The following DST variants were observed in gnomAD, a reference collection of about 807,000 sequenced individuals.
DST encodes dystonin.
Under a neutral mutation model 875.2 loss-of-function variants are expected in DST, and 253 were observed. The ratio of observed to expected loss-of-function variants is 0.29; its 90% CI spans 0.26 to 0.32. The LOEUF (loss-of-function observed/expected upper bound fraction) is 0.32, where lower values mean the gene tolerates loss of function less well. Among genes scored for constraint, DST ranks in the 10% least tolerant of loss-of-function variants. The pLI is 1.00. For synonymous variants in DST, 3,124 were observed against 3,197.1 expected, an observed-to-expected ratio of 0.98 and a Z score of 0.77; for missense variants, 8,287 against 9,111.6, an observed-to-expected ratio of 0.91 and a Z score of 3.68.
intron 2 of DST, among the ~76,000 whole-genome samples, chr6:56,918,368 C>T (rs577887708): frequency 2.3e-4 from 35 of 152,112 alleles, no homozygotes; most frequent in Non-Finnish European, 4.1e-4. Context: ...CTCAAGAGAT[C>T]CACCCACCTC....
chr6:56,585,464 G>T (rs1162248898), intron 49 of DST, among the ~76,000 whole-genome samples: 4 of 150,668 alleles, frequency 2.7e-5, no homozygotes, highest in Non-Finnish European at 4.4e-5. Context: ...TTTTTATTGC[G>T]TCTATTTGAT....
intron 4 of DST, among the ~76,000 whole-genome samples, chr6:56,848,599 C>T (rs1763268142): frequency 2.0e-5 from 3 of 152,192 alleles, no homozygotes; most frequent in Admixed American, 2.0e-4. Context: ...CAGTTTAACA[C>T]ATAATATATC....
intron 22 of DST, among the ~76,000 whole-genome samples, chr6:56,637,056 C>T (rs1248997289): frequency 6.6e-6 from 1 of 152,006 alleles, no homozygotes; most frequent in East Asian, 1.9e-4. Flanking sequence ...GCACTCCAGC[C>T]TGGGGAACAA....
chr6:56,565,739 C>T (rs550973905), intron 55 of DST, among the ~76,000 whole-genome samples: 2 of 152,258 alleles, frequency 1.3e-5, no homozygotes, highest in East Asian at 1.9e-4. Flanking sequence ...CTGGGAGATC[C>T]GCTGCTCTCT....
In DST at chr6:56,634,550, T is replaced by A; in HGVS notation, c.3406A>T (p.Ile1136Phe). 3 of 1,614,226 alleles carry A rather than the reference T, an allele frequency of 1.9e-6. No individual in the cohort carries two copies. The highest frequency in any genetic ancestry group is 1.7e-6 in the Non-Finnish European group (2 of 1,180,024). ...NNSHRAKWKV[I>F]SPTGNEAMVP... is the part of the protein sequence containing the mutation. ...ATAGCCTCATTCCCAGTAGGACTAA[T>A]GACCTTCCATTTAGCACGATGAGAG... The change falls in exon 26 of 104, where the codon ATT (isoleucine) becomes TTT (phenylalanine). Residue 1136 changes from isoleucine (I) to phenylalanine (F), a missense_variant. By Grantham distance (21) the Ile-to-Phe change is conservative. This residue lies in a region of DST where 1,160 missense variants were observed against 1,424.3 expected (regional missense o/e 0.81). Coordinates refer to ENST00000680361, the MANE Select transcript of DST (RefSeq NM_001374736.1).
At chr6:56,791,116 C>T (rs1212788167) in intron 4 of DST, among the ~76,000 whole-genome samples, 2 of 152,186 alleles carry the variant, frequency 1.3e-5, no homozygotes, top group Admixed American at 1.3e-4. Context: ...ACTATGTATC[C>T]TTACACGAAT....
At chr6:56,513,484 C>T (rs2096525408) in intron 72 of DST, among the ~76,000 whole-genome samples, 1 of 152,170 alleles carries the variant, frequency 6.6e-6, no homozygotes, top group East Asian at 1.9e-4. Flanking sequence ...CCTGCCTCGG[C>T]CTCCCAAACT....
In DST at chr6:56,620,520, A is replaced by G. The variant is rs768213702; in HGVS notation, c.4929+4010T>C. ...TCTACATTTCTCTGCTGCTTTCTCA[A>G]TTCATTTTCTGCAGCCTCCCTGACC... is the stretch of plus-strand genomic sequence containing the variant. On this transcript the variant is annotated intron_variant, in intron 36 of 103. Coordinates refer to ENST00000680361, the MANE Select transcript of DST (RefSeq NM_001374736.1). The G allele has an allele frequency of 3.1e-6, 5 of 1,613,764 alleles. No individual in the cohort carries two copies. In the African/African-American group the frequency reaches 5.3e-5, roughly 17 times the overall value.
intron 4 of DST, among the ~76,000 whole-genome samples, chr6:56,847,408 C>T (rs2099808324): frequency 6.6e-6 from 1 of 152,178 alleles, no homozygotes. Context: ...AACCGTAAAC[C>T]TGATTATGCC....
intron 71 of DST, among the ~76,000 whole-genome samples, chr6:56,515,986 GA>G (rs1429938820): frequency 6.6e-6 from 1 of 151,070 alleles, no homozygotes; most frequent in South Asian, 2.1e-4. Flanking sequence ...ATATTTTGCA[GA>G]AAAAAAATAA....
intron 2 of DST, among the ~76,000 whole-genome samples, chr6:56,948,913 G>A (rs1013113590): frequency 1.3e-5 from 2 of 152,104 alleles, no homozygotes; most frequent in Non-Finnish European, 2.9e-5. Flanking sequence ...ATTACTTCTG[G>A]AAGGGGATCA....
intron 36 of DST, chr6:56,615,838 A>T: frequency 6.2e-7 from 1 of 1,614,152 alleles, no homozygotes. Flanking sequence ...TAATATTTGC[A>T]TTCACAGCTT....
At position 56,812,109 on chromosome 6, in the gene DST, AAAAAGAAAAG is replaced by A. The variant is rs745473203; in HGVS notation, c.625+39278_625+39287del. Among the ~76,000 whole-genome samples, 107 of 111,824 alleles carry A rather than the reference AAAAAGAAAAG, an allele frequency of 9.6e-4. 1 individual carries two copies. Among genetic ancestry groups the A allele is most frequent in the Admixed American group, 2.1e-3 (18 of 8,704 alleles). The allele number at this position is 111,824 out of a possible 152,430, so 73.4% of individuals were successfully genotyped here. ...AGAAAGAGACTCTGACTCAAAAAAA[AAAAAGAAAAG>A]AAAAGAAAAGAAAAGAAAAGAAAAG... On this transcript the variant is annotated intron_variant, in intron 4 of 103. Transcript: ENST00000680361.
intron 3 of DST, among the ~76,000 whole-genome samples, chr6:56,852,360 T>C (rs1234605619): frequency 6.6e-6 from 1 of 152,214 alleles, no homozygotes; most frequent in South Asian, 2.1e-4. Flanking sequence ...CTGCCAATAA[T>C]GTAAATGAGA....
chr6:56,918,705 T>C (rs1249548836), intron 2 of DST, among the ~76,000 whole-genome samples: 2 of 152,186 alleles, frequency 1.3e-5, no homozygotes, highest in African/African-American at 4.8e-5. Context: ...CCATCAACAC[T>C]GGATAATATA....
rs1582244939 is a variant in DST, at chr6:56,469,967, A to G, written c.22477-10T>C. Reference sequence around the variant, plus strand: ...CTACCTGCCTTGTCACCTGCCAAAAACAATGATGAAATATTTACTTTAATG... The same window carrying G: ...CTACCTGCCTTGTCACCTGCCAAAAGCAATGATGAAATATTTACTTTAATG... On this transcript the variant is annotated splice_polypyrimidine_tract_variant and intron_variant, in intron 96 of 103. Coordinates refer to ENST00000680361, the MANE Select transcript of DST (RefSeq NM_001374736.1). The G allele has an allele frequency of 6.2e-7, 1 of 1,613,252 alleles. No individual in the cohort carries two copies. The highest frequency in any genetic ancestry group is 8.5e-7 in the Non-Finnish European group (1 of 1,179,296).
intron 3 of DST, among the ~76,000 whole-genome samples, chr6:56,885,237 C>T (rs1784176260): frequency 6.6e-6 from 1 of 152,192 alleles, no homozygotes; most frequent in Admixed American, 6.5e-5. Flanking sequence ...CCAGCCCTAG[C>T]AGCCCATAAC....
intron 4 of DST, among the ~76,000 whole-genome samples, chr6:56,772,646 G>C (rs2099669284): frequency 6.6e-6 from 1 of 152,148 alleles, no homozygotes; most frequent in Non-Finnish European, 1.5e-5. Context: ...TAGTGGAGCA[G>C]AACAATTAAA....
intron 49 of DST, among the ~76,000 whole-genome samples, chr6:56,580,991 G>A (rs993267372): frequency 6.9e-6 from 1 of 145,176 alleles, no homozygotes; most frequent in Non-Finnish European, 1.5e-5. Context: ...CACCTCGGCC[G>A]TCCAAAGTGC....
Sources: allele counts gnomAD v4.1 joint callset (sites outside exome capture counted in the v4.1 genomes callset), GRCh38; gene constraint gnomAD v4.1.1; regional missense constraint gnomAD v4.1.1; transcripts MANE v1.5; gene names NCBI Gene and HGNC (gene_info 2026-07-23, HGNC 2026-07-21).